DTX4: variants seen among roughly 807,000 people sequenced by gnomAD.
The protein encoded by DTX4 is deltex E3 ubiquitin ligase 4.
Under a neutral mutation model 57.6 loss-of-function variants are expected in DTX4, and 28 were observed. That is an observed-to-expected ratio of 0.49 (90% CI 0.36 to 0.67). DTX4 has a LOEUF of 0.67. Among genes scored for constraint, DTX4 ranks in the 30% least tolerant of loss-of-function variants. DTX4 has a pLI of 0.00. For synonymous variants in DTX4, 316 were observed against 331.0 expected (o/e 0.95, Z 0.49); for missense variants, 715 against 836.8 (o/e 0.85, Z 1.80).
intron 8 of DTX4, 22 bp downstream of exon 8, chr11:59,199,795 T>G: frequency 6.5e-7 from 1 of 1,547,120 alleles, no homozygotes. Context: ...AGTTTCCACA[T>G]AGAACTAGGT....
At chr11:59,204,446 A>T (rs373048637) in intron 8 of DTX4, among the ~76,000 whole-genome samples, 2 of 152,206 alleles carry the variant, frequency 1.3e-5, no homozygotes, top group African/African-American at 4.8e-5. Flanking sequence ...ATTAATGTTC[A>T]GAGAGGTGCT....
rs1224383404 is a variant in DTX4, at chr11:59,208,115, C to T, written c.*3206C>T. On this transcript the variant is annotated 3_prime_UTR_variant, in exon 9 of 9. Coordinates refer to ENST00000227451, the MANE Select transcript of DTX4 (RefSeq NM_015177.2). ...GGTGTTGCTCCGTGAAAGGACATCG[C>T]CACCTGGTGCTCATGAGGTGTCTTT... 3 of 152,524 alleles carry T rather than the reference C, an allele frequency of 2.0e-5. No individual in the cohort carries two copies. Among genetic ancestry groups the T allele is most frequent in the African/African-American group, 7.2e-5 (3 of 41,394 alleles). 9.4% of individuals were successfully genotyped at this position (152,524 alleles called of 1,614,324 possible).
chr11:59,187,499 G>T (rs1590983956), intron 2 of DTX4, among the ~76,000 whole-genome samples: 1 of 152,230 alleles, frequency 6.6e-6, no homozygotes, highest in Non-Finnish European at 1.5e-5. Context: ...CCAGCATCGG[G>T]AATAGCAAAC....
chr11:59,171,829 A>T (rs1232096368), upstream of DTX4, among the ~76,000 whole-genome samples: 1 of 152,052 alleles, frequency 6.6e-6, no homozygotes, highest in East Asian at 1.9e-4. Flanking sequence ...TGCTGCATTA[A>T]GGAAAAAAAA....
intron 2 of DTX4, among the ~76,000 whole-genome samples, chr11:59,182,803 C>G (rs1249618704): frequency 6.6e-6 from 1 of 152,076 alleles, no homozygotes; most frequent in Non-Finnish European, 1.5e-5. Context: ...AGATTGTGGC[C>G]AGGCGTGGTG....
At chr11:59,188,985 T>C (rs979041902) in intron 3 of DTX4, among the ~76,000 whole-genome samples, 177 bp from the exon 4 acceptor site, 1 of 152,150 alleles carries the variant, frequency 6.6e-6, no homozygotes, top group Non-Finnish European at 1.5e-5. Flanking sequence ...AAGCATGCAA[T>C]TGAAGATAAG....
chr11:59,184,751 G>A (rs1222299577), intron 2 of DTX4, among the ~76,000 whole-genome samples: 3 of 152,182 alleles, frequency 2.0e-5, no homozygotes, highest in Non-Finnish European at 2.9e-5. Flanking sequence ...TTTCAAAAGG[G>A]CTATAGAAAC....
At chr11:59,191,420 C>T (rs189315531) in intron 5 of DTX4, among the ~76,000 whole-genome samples, 1 of 152,330 alleles carries the variant, frequency 6.6e-6, no homozygotes, top group African/African-American at 2.4e-5. Flanking sequence ...ACATGACAGT[C>T]TCAATTTAGG....
chr11:59,182,581 C>G (rs1862481326), intron 2 of DTX4, 119 bp downstream of exon 2: 1 of 1,360,152 alleles, frequency 7.4e-7, no homozygotes, highest in Non-Finnish European at 9.7e-7. Context: ...GTGCTGACCC[C>G]TGGCTGCAGG....
chr11:59,192,311 G>A, intron 6 of DTX4, 61 bp downstream of exon 6: 1 of 1,598,856 alleles, frequency 6.3e-7, no homozygotes, highest in African/African-American at 1.3e-5. Flanking sequence ...GTAGCAAGAT[G>A]GTGAAGGCCC....
At position 59,204,866 on chromosome 11, in the gene DTX4, C is replaced by T; in HGVS notation, c.1817C>T (p.Ala606Val). ...GATAATGTGCTGGCTGAACTGGCTG[C>T]CCAGGGCATCTCTGAGGACAGCACT... is the stretch of plus-strand genomic sequence containing the variant. ...YLDNVLAELA[A>V]QGISEDSTAQ... The change falls in exon 9 of 9, where the codon GCC (alanine) becomes GTC (valine). Residue 606 changes from alanine (A) to valine (V), a missense_variant. Transcript: ENST00000227451. The T allele has an allele frequency of 3.1e-6, 5 of 1,598,682 alleles. No homozygotes were observed. Among genetic ancestry groups the T allele is most frequent in the Non-Finnish European group, 4.3e-6 (5 of 1,172,356 alleles).
chr11:59,195,607 T>G (rs1006634762), intron 7 of DTX4, among the ~76,000 whole-genome samples: 6 of 152,152 alleles, frequency 3.9e-5, no homozygotes, highest in Admixed American at 6.5e-5. Flanking sequence ...CTTCCCTTTT[T>G]TTTTTCACAA....
chr11:59,191,756 A>T (rs1015341167), intron 5 of DTX4, among the ~76,000 whole-genome samples: 1 of 152,236 alleles, frequency 6.6e-6, no homozygotes, highest in African/African-American at 2.4e-5. Context: ...TACATTCCTT[A>T]AAAATTCACC....
chr11:59,193,896 G>A (rs1263839466), intron 6 of DTX4, among the ~76,000 whole-genome samples: 1 of 152,166 alleles, frequency 6.6e-6, no homozygotes, highest in African/African-American at 2.4e-5. Flanking sequence ...CCGAGGAGTT[G>A]GGGATGTCCT....
intron 1 of DTX4, among the ~76,000 whole-genome samples, chr11:59,175,672 A>C (rs1245148183): frequency 6.6e-6 from 1 of 152,048 alleles, no homozygotes; most frequent in Non-Finnish European, 1.5e-5. Flanking sequence ...ATTTACCTTG[A>C]CTGGGTTGTC....
chr11:59,184,426 G>T (rs531782499), intron 2 of DTX4, among the ~76,000 whole-genome samples: 2 of 152,352 alleles, frequency 1.3e-5, no homozygotes, highest in Non-Finnish European at 2.9e-5. Flanking sequence ...CATACTAAGT[G>T]TATAGACTTA....
intron 7 of DTX4, among the ~76,000 whole-genome samples, chr11:59,197,833 G>A (rs1446494392): frequency 6.6e-6 from 1 of 152,188 alleles, no homozygotes; most frequent in African/African-American, 2.4e-5. Flanking sequence ...CGATGTTCTG[G>A]TGAGCAGTAG....
rs942297449 is a variant in DTX4 at position 59,202,696 on chromosome 11, T to C, written c.1627-1980T>C. 3.3e-5 allele frequency among the ~76,000 whole-genome samples: 5 copies of C among 152,186 alleles called. 1 individual carries two copies. The highest frequency in any genetic ancestry group is 2.6e-4 in the Admixed American group (4 of 15,280). On this transcript the variant is annotated intron_variant, in intron 8 of 8. Coordinates refer to ENST00000227451, the MANE Select transcript of DTX4 (RefSeq NM_015177.2). Reference sequence around the variant, plus strand: ...ATCAATCCCTTAACCCCACCGCCCCTAGCCACTTACTAGCTATAAGACCAA... The same window carrying C: ...ATCAATCCCTTAACCCCACCGCCCCCAGCCACTTACTAGCTATAAGACCAA...
chr11:59,178,424 C>T (rs1355604440), intron 1 of DTX4, among the ~76,000 whole-genome samples: 1 of 152,220 alleles, frequency 6.6e-6, no homozygotes, highest in East Asian at 1.9e-4. Context: ...CACTTGTCTT[C>T]TAACCCTGTT....
Sources: gnomAD v4.1 joint callset for allele counts (sites outside exome capture counted in the v4.1 genomes callset) on GRCh38, gnomAD v4.1.1 for gene constraint, MANE v1.5 for transcripts, NCBI Gene and HGNC (gene_info 2026-07-23, HGNC 2026-07-21) for gene names.